Variants in IFT80 observed in about 807,000 individuals in gnomAD.
The protein encoded by IFT80 is intraflagellar transport 80, also known as intraflagellar transport protein 80 homolog.
A neutral mutation model predicts 107.9 loss-of-function variants in IFT80; 79 were observed. The observed-to-expected ratio is 0.73, with a 90% confidence interval of 0.61 to 0.88. The LOEUF (loss-of-function observed/expected upper bound fraction) is 0.88. Among genes scored for constraint, IFT80 ranks in the 40% least tolerant of loss-of-function variants. The pLI is 0.00. For synonymous variants in IFT80, 299 were observed against 300.9 expected (o/e 0.99, Z 0.07); for missense variants, 797 against 914.2 (o/e 0.87, Z 1.65).
intron 18 of IFT80, among the ~76,000 whole-genome samples, chr3:160,275,914 AT>A (rs1197368702): frequency 1.3e-5 from 2 of 152,142 alleles, no homozygotes; most frequent in African/African-American, 2.4e-5. Flanking sequence ...TTATTTATTT[AT>A]TTATTTAGAT....
chr3:160,276,984 T>C (rs563957100), intron 18 of IFT80, among the ~76,000 whole-genome samples: 1 of 152,294 alleles, frequency 6.6e-6, no homozygotes, highest in Admixed American at 6.5e-5. Flanking sequence ...TTGCGAGTAT[T>C]TCAAATTCAA....
chr3:160,328,335 A>C (rs1718825241), intron 8 of IFT80, among the ~76,000 whole-genome samples: 1 of 151,770 alleles, frequency 6.6e-6, no homozygotes, highest in Admixed American at 6.6e-5. Context: ...GGTGGCAAGC[A>C]CCTATAATCC....
At chr3:160,369,188 T>A (rs1351946130) in intron 5 of IFT80, among the ~76,000 whole-genome samples, 4 of 152,026 alleles carry the variant, frequency 2.6e-5, no homozygotes, top group African/African-American at 9.6e-5. Flanking sequence ...GTATAACTTA[T>A]ATAATAAAAG....
At chr3:160,332,701 C>T (rs968392057) in intron 8 of IFT80, among the ~76,000 whole-genome samples, 3 of 152,128 alleles carry the variant, frequency 2.0e-5, no homozygotes, top group Admixed American at 1.3e-4. Flanking sequence ...ATGTCTGTTG[C>T]CTCTCTTCTT....
chr3:160,397,435 C>T (rs1485393666), intron 1 of IFT80, among the ~76,000 whole-genome samples: 2 of 152,224 alleles, frequency 1.3e-5, no homozygotes, highest in Non-Finnish European at 2.9e-5. Flanking sequence ...AACTTGATAT[C>T]CCATTATTCA....
At position 160,371,248 on chromosome 3, in the gene IFT80, A is replaced by C. The variant is rs79374897; in HGVS notation, c.439+4564T>G. ...TTAACAGCTTCACTCCAATGCCAAC[A>C]AGCCCATTTCCTTTCCCATTTCTTC... On this transcript the variant is annotated intron_variant, in intron 5 of 19. Transcript: ENST00000326448. Among the ~76,000 whole-genome samples, 1,060 of 152,118 alleles carry C rather than the reference A, an allele frequency of 7.0e-3. 11 individuals carry two copies. Among genetic ancestry groups the C allele is most frequent in the African/African-American group, 0.024 (990 of 41,510 alleles).
chr3:160,359,312 G>A (rs1721324918), intron 6 of IFT80, among the ~76,000 whole-genome samples: 1 of 152,154 alleles, frequency 6.6e-6, no homozygotes, highest in African/African-American at 2.4e-5. Flanking sequence ...GATATAACCA[G>A]CTTCCTGAGT....
intron 8 of IFT80, among the ~76,000 whole-genome samples, chr3:160,324,437 A>C (rs1718518255): frequency 6.6e-6 from 1 of 152,160 alleles, no homozygotes; most frequent in Non-Finnish European, 1.5e-5. Flanking sequence ...CACCATGATC[A>C]AGTGGGCTTC....
intron 8 of IFT80, among the ~76,000 whole-genome samples, chr3:160,323,567 T>C (rs1718445175): frequency 6.6e-6 from 1 of 152,038 alleles, no homozygotes; most frequent in Non-Finnish European, 1.5e-5. Flanking sequence ...ATAAAGATGT[T>C]CTTTGAAACC....
intron 9 of IFT80, among the ~76,000 whole-genome samples, chr3:160,309,791 AAAC>A (rs1408159347): frequency 1.3e-5 from 2 of 152,202 alleles, no homozygotes; most frequent in South Asian, 2.1e-4. Flanking sequence ...TTTAAAAAAA[AAAC>A]AAGAAATCTT....
At chr3:160,314,432 G>A (rs1717640262) in intron 9 of IFT80, among the ~76,000 whole-genome samples, 2 of 152,122 alleles carry the variant, frequency 1.3e-5, no homozygotes, top group South Asian at 4.1e-4. Context: ...GCAAGAGGCA[G>A]ATTAAGAAAC....
At position 160,393,342 on chromosome 3, in the gene IFT80, T is replaced by C. The variant is rs867767693; in HGVS notation, c.-47+5804A>G. Among the ~76,000 whole-genome samples the C allele has an allele frequency of 2.0e-5, 3 of 152,186 alleles. No individual in the cohort carries two copies. In the East Asian group the frequency reaches 5.8e-4, roughly 29 times the overall value. The stretch of plus-strand genomic sequence containing the variant: ...TGTGTGGATATATGTGTTTATAATA[T>C]GGAAGGGTTAAAATCAAGAAAATAT... On this transcript the variant is annotated intron_variant, in intron 1 of 19. Coordinates refer to ENST00000326448, the MANE Select transcript of IFT80 (RefSeq NM_020800.3).
chr3:160,397,483 C>T (rs1713870035), intron 1 of IFT80, among the ~76,000 whole-genome samples: 2 of 152,150 alleles, frequency 1.3e-5, no homozygotes, highest in African/African-American at 4.8e-5. Flanking sequence ...GTCATAAACA[C>T]AGCAAAATCA....
intron 8 of IFT80, among the ~76,000 whole-genome samples, chr3:160,339,114 G>A (rs1386487712): frequency 1.3e-5 from 2 of 152,084 alleles, no homozygotes; most frequent in Admixed American, 1.3e-4. Flanking sequence ...TAATATGGGT[G>A]GTGGTTTCTT....
intron 3 of IFT80, among the ~76,000 whole-genome samples, 156 bp downstream of exon 3, chr3:160,381,347 C>G (rs565758789): frequency 6.7e-6 from 1 of 150,352 alleles, no homozygotes; most frequent in South Asian, 2.1e-4. Context: ...ATAGCCCATA[C>G]ACAAACCAAG....
At chr3:160,344,426 C>T (rs982427921) in intron 8 of IFT80, among the ~76,000 whole-genome samples, 1 of 152,068 alleles carries the variant, frequency 6.6e-6, no homozygotes, top group African/African-American at 2.4e-5. Context: ...TATCTCTCAC[C>T]ATATACAAAA....
intron 12 of IFT80, among the ~76,000 whole-genome samples, chr3:160,299,729 G>A (rs539729356): frequency 2.0e-5 from 3 of 151,998 alleles, no homozygotes; most frequent in Non-Finnish European, 2.9e-5. Context: ...CCTCTCTCCC[G>A]AGCCTTGGAC....
At position 160,369,463 on chromosome 3, in the gene IFT80, C is replaced by T. The variant is rs116634945; in HGVS notation, c.440-3311G>A. The stretch of plus-strand genomic sequence containing the variant: ...AGCATTAAACTACTGTACATATAAA[C>T]ATTTTCTTTTCTAAAAGGAAATAAA... On this transcript the variant is annotated intron_variant, in intron 5 of 19. Coordinates refer to ENST00000326448, the MANE Select transcript of IFT80 (RefSeq NM_020800.3). Among the ~76,000 whole-genome samples, 1,165 of 151,904 alleles carry T rather than the reference C, an allele frequency of 7.7e-3. 20 individuals are homozygous for T. Among genetic ancestry groups the T allele is most frequent in the African/African-American group, 0.027 (1,116 of 41,522 alleles).
intron 8 of IFT80, among the ~76,000 whole-genome samples, chr3:160,346,047 G>C (rs1326050095): frequency 1.3e-5 from 2 of 152,020 alleles, no homozygotes; most frequent in Non-Finnish European, 2.9e-5. Context: ...AAAAATTAAA[G>C]TTAAATAAAT....
Sources: gnomAD v4.1 joint callset for allele counts (sites outside exome capture counted in the v4.1 genomes callset) on GRCh38, gnomAD v4.1.1 for gene constraint, MANE v1.5 for transcripts, NCBI Gene and HGNC (gene_info 2026-07-23, HGNC 2026-07-21) for gene names.